The following TMEM230 variants were observed in gnomAD, a reference collection of about 807,000 sequenced individuals.
TMEM230 encodes transmembrane protein 230.
TMEM230 carries 10 observed loss-of-function variants against 15.8 expected under a neutral mutation model. The ratio of observed to expected loss-of-function variants is 0.63; its 90% CI spans 0.39 to 1.07. TMEM230 has a LOEUF of 1.07. Ranked by LOEUF, TMEM230 falls within the 50% of genes least tolerant of loss-of-function variation. The pLI is 0.01. For synonymous variants in TMEM230, 67 were observed against 76.9 expected, an observed-to-expected ratio of 0.87 and a Z score of 0.68; for missense variants, 165 against 193.3, an observed-to-expected ratio of 0.85 and a Z score of 0.87.
chr20:5,067,546 C>T (rs576229701), downstream of TMEM230, among the ~76,000 whole-genome samples: 9 of 149,460 alleles, frequency 6.0e-5, no homozygotes, highest in African/African-American at 1.7e-4. Context: ...TGGGTTCAAG[C>T]GATTCTCCTG....
chr20:5,093,945 G>A (rs2122673811), intron 3 of TMEM230, among the ~76,000 whole-genome samples: 1 of 151,332 alleles, frequency 6.6e-6, no homozygotes, highest in East Asian at 2.0e-4. Flanking sequence ...CGATCAGTGA[G>A]CTTTTTTTTT....
intron 3 of TMEM230, among the ~76,000 whole-genome samples, chr20:5,108,550 T>C (rs2090184910): frequency 6.6e-6 from 1 of 152,200 alleles, no homozygotes; most frequent in Non-Finnish European, 1.5e-5. Context: ...AGAGACAAAT[T>C]TTCCAAGGTT....
downstream of TMEM230, among the ~76,000 whole-genome samples, chr20:5,099,224 A>AATC (rs1568496352): frequency 4.8e-5 from 6 of 125,490 alleles, no homozygotes; most frequent in Non-Finnish European, 8.4e-5. Context: ...ATAAATAAAT[A>AATC]AATAAATAAA....
In TMEM230 at chr20:5,100,752, C is replaced by T. The variant is rs1161452306; in HGVS notation, c.*39G>A. 6.2e-7 allele frequency: 1 copy of T among 1,607,788 alleles called. No individual in the cohort carries two copies. Among genetic ancestry groups the T allele is most frequent in the Non-Finnish European group, 8.5e-7 (1 of 1,176,860 alleles). On this transcript the variant is annotated 3_prime_UTR_variant, in exon 5 of 5. Transcript: ENST00000342308. ...TCTGCTAGATATCTTAAAGCTGGGA[C>T]AGTTCCACTGTGACTCCTCCTCAGC...
At chr20:5,106,485 C>T (rs930291010) in intron 3 of TMEM230, among the ~76,000 whole-genome samples, 175 bp from the exon 3 acceptor site, 2 of 152,154 alleles carry the variant, frequency 1.3e-5, no homozygotes, top group Non-Finnish European at 2.9e-5. Flanking sequence ...CTCACTGCAA[C>T]CTCTGCCTCC....
downstream of TMEM230, chr20:5,068,175 GA>G (rs912434411): frequency 6.6e-6 from 1 of 152,208 alleles, no homozygotes; most frequent in Non-Finnish European, 1.5e-5. Flanking sequence ...AAAGGTAAAA[GA>G]ATGTCTTGCA....
chr20:5,079,269 C>T (rs1279688404), intron 3 of TMEM230, among the ~76,000 whole-genome samples: 1 of 152,088 alleles, frequency 6.6e-6, no homozygotes, highest in African/African-American at 2.4e-5. Flanking sequence ...ACTACAGGCA[C>T]AAGACAGCAT....
intron 2 of TMEM230, among the ~76,000 whole-genome samples, chr20:5,109,789 T>C (rs1234080050): frequency 2.6e-5 from 4 of 152,184 alleles, no homozygotes; most frequent in African/African-American, 9.7e-5. Flanking sequence ...CAAAGTCACA[T>C]AGAGACTAGG....
intron 3 of TMEM230, among the ~76,000 whole-genome samples, chr20:5,089,262 C>A (rs1195821509): frequency 6.6e-6 from 1 of 151,984 alleles, no homozygotes; most frequent in African/African-American, 2.4e-5. Flanking sequence ...ATAGTCCCAG[C>A]TATTAGGGAG....
chr20:5,080,291 A>C (rs2089142260), intron 3 of TMEM230, among the ~76,000 whole-genome samples: 1 of 152,206 alleles, frequency 6.6e-6, no homozygotes, highest in Non-Finnish European at 1.5e-5. Context: ...AGTTGCAATT[A>C]ATGTGTTCAC....
In TMEM230 at chr20:5,106,802, C is replaced by T. The variant is rs1358340300; in HGVS notation, c.289-492G>A. ...CTCATTGCAGCCTCGAACTCCTGGGCTCAAGCAATTCTCTTGCCTCATCCT... is the reference window on the plus strand; with the variant it reads ...CTCATTGCAGCCTCGAACTCCTGGGTTCAAGCAATTCTCTTGCCTCATCCT... On this transcript the variant is annotated intron_variant, in intron 3 of 4. Transcript: ENST00000342308. 2.0e-5 allele frequency among the ~76,000 whole-genome samples: 3 copies of T among 152,138 alleles called. 1 individual carries two copies. Among genetic ancestry groups the T allele is most frequent in the Admixed American group, 2.0e-4 (3 of 15,272 alleles).
intron 3 of TMEM230, among the ~76,000 whole-genome samples, chr20:5,086,259 C>T (rs1466660413): frequency 3.4e-5 from 5 of 146,984 alleles, no homozygotes; most frequent in Non-Finnish European, 7.4e-5. Flanking sequence ...AAGTATTGGC[C>T]AGCCACGGTG....
At chr20:5,079,529 C>T (rs1407380916) in intron 3 of TMEM230, among the ~76,000 whole-genome samples, 3 of 152,038 alleles carry the variant, frequency 2.0e-5, no homozygotes, top group Admixed American at 6.6e-5. Flanking sequence ...GCTCTGTCAC[C>T]GAGGCTGGAG....
rs532122531 is a variant in TMEM230, at chr20:5,100,719, C to T, written c.*72G>A. The T allele has an allele frequency of 1.9e-6, 3 of 1,580,164 alleles. No homozygotes were observed. The highest frequency in any genetic ancestry group is 1.7e-6 in the Non-Finnish European group (2 of 1,161,870). On this transcript the variant is annotated 3_prime_UTR_variant, in exon 5 of 5. Transcript: ENST00000342308. The stretch of plus-strand genomic sequence containing the variant: ...AGCTGCAGAATTCCTTAGTCCTCAG[C>T]TATAGTTTCTGCTAGATATCTTAAA...
At chr20:5,059,809 T>C in the TMEM230 span, among the ~76,000 whole-genome samples, 1 of 136,110 alleles carries the variant, frequency 7.3e-6, no homozygotes, top group South Asian at 2.4e-4. Context: ...AGAGTCTCGC[T>C]CTGTCGCCCA....
chr20:5,069,127 T>G (rs2088742945), exon 4 of TMEM230: 1 of 1,346,326 alleles, frequency 7.4e-7, no homozygotes, highest in Non-Finnish European at 1.0e-6. Context: ...ACGTACTTAT[T>G]CCTAGGACAT....
intron 4 of TMEM230, among the ~76,000 whole-genome samples, chr20:5,105,498 CAAG>C (rs1447508759): frequency 6.7e-6 from 1 of 148,618 alleles, no homozygotes; most frequent in Non-Finnish European, 1.5e-5. Flanking sequence ...GGCTGAGGCA[CAAG>C]AATAGCATGA....
chr20:5,065,852 C>G (rs763789415), downstream of TMEM230, among the ~76,000 whole-genome samples: 2 of 152,160 alleles, frequency 1.3e-5, no homozygotes, highest in African/African-American at 2.4e-5. Flanking sequence ...AACTGTAGGT[C>G]AGATTGGAGT....
chr20:5,102,293 C>T (rs761464295), intron 4 of TMEM230, among the ~76,000 whole-genome samples: 1 of 152,044 alleles, frequency 6.6e-6, no homozygotes, highest in Non-Finnish European at 1.5e-5. Flanking sequence ...AAATCTAAAA[C>T]CTGAATAGAC....
Sources: allele counts gnomAD v4.1 joint callset (sites outside exome capture counted in the v4.1 genomes callset), GRCh38; gene constraint gnomAD v4.1.1; transcripts MANE v1.5; gene names NCBI Gene and HGNC (gene_info 2026-07-23, HGNC 2026-07-21).